MYH14: variants seen among roughly 807,000 people sequenced by gnomAD.
MYH14 encodes myosin heavy chain 14.
MYH14 carries 123 observed loss-of-function variants against 255.5 expected under a neutral mutation model. That is an observed-to-expected ratio of 0.48 (90% confidence interval 0.42 to 0.56). The LOEUF (loss-of-function observed/expected upper bound fraction) is 0.56. Among genes scored for constraint, MYH14 ranks in the 20% least tolerant of loss-of-function variants. MYH14 has a pLI of 0.00. For missense variants in MYH14, 2,423 were observed against 2,802.3 expected, an observed-to-expected ratio of 0.86 and a Z score of 3.06; for synonymous variants, 1,095 against 1,161.2, an observed-to-expected ratio of 0.94 and a Z score of 1.16.
In MYH14 at chr19:50,276,081, G is replaced by T; in HGVS notation, c.3558G>T (p.Glu1186Asp). 1 of 1,610,984 alleles carries T rather than the reference G, an allele frequency of 6.2e-7. No homozygotes were observed. The highest frequency in any genetic ancestry group is 8.5e-7 in the Non-Finnish European group (1 of 1,179,062). ...AALAEAQEDL[E>D]SERVARTKAE... is the part of the protein sequence containing the mutation. Reference sequence around the variant, plus strand: ...TGGCCGAGGCCCAGGAGGACCTGGAGTCTGAGCGTGTGGCCAGGACCAAGG... The same window carrying T: ...TGGCCGAGGCCCAGGAGGACCTGGATTCTGAGCGTGTGGCCAGGACCAAGG... The change falls in exon 28 of 43, where the codon GAG becomes GAT. Residue 1186 changes from glutamate (E) to aspartate (D), a missense_variant. Coordinates refer to ENST00000642316, the MANE Select transcript of MYH14 (RefSeq NM_001145809.2). The surrounding 1 kb of genome is among the most constrained non-coding windows in gnomAD (Gnocchi z 4.3).
At chr19:50,224,225 C>T (rs1218677254) in intron 6 of MYH14, 48 bp downstream of exon 6, 38 of 1,613,474 alleles carry the variant, frequency 2.4e-5, no homozygotes, top group Non-Finnish European at 2.9e-5. Flanking sequence ...TAATGCCTTC[C>T]CGGCCACCCA....
chr19:50,244,278 G>A lies in MYH14; in HGVS notation c.1151G>A (p.Gly384Asp). The change falls in exon 11 of 43, where the codon GGC becomes GAC. Residue 384 changes from glycine to aspartate, a missense_variant. Physicochemically the swap from Gly to Asp is moderately conservative, Grantham distance 94. This residue lies in a region of MYH14 where 672 missense variants were observed against 881.8 expected (regional missense o/e 0.76). Transcript: ENST00000642316. ...ATGGTCTCAGCAGTTCTCCAGTTTG[G>A]CAACATTGCCTTGAAGAGAGAACGG... ...LRMVSAVLQF[G>D]NIALKRERNT... The A allele has an allele frequency of 6.2e-7, 1 of 1,613,844 alleles. No individual in the cohort carries two copies. The highest frequency in any genetic ancestry group is 8.5e-7 in the Non-Finnish European group (1 of 1,179,878).
intron 30 of MYH14, among the ~76,000 whole-genome samples, chr19:50,279,320 C>A (rs774215944): frequency 6.6e-6 from 1 of 152,122 alleles, no homozygotes; most frequent in Non-Finnish European, 1.5e-5. Context: ...TAGCATAATT[C>A]CTTTTTTATT....
rs768416291 is a variant in MYH14, at chr19:50,217,707, G to A, written c.498G>A (p.Lys166=). The part of the protein sequence containing the change: ...EAIVEMYRGK[K]RHEVPPHVYA... ...TTGTGGAGATGTACCGGGGCAAGAA[G>A]CGCCACGAGGTGCCACCCCACGTGT... The change falls in exon 3 of 43, where the codon AAG becomes AAA. Residue 166 remains lysine (K), a synonymous_variant. Coordinates refer to ENST00000642316, the MANE Select transcript of MYH14 (RefSeq NM_001145809.2). The A allele has an allele frequency of 3.1e-6, 5 of 1,613,998 alleles. No individual in the cohort carries two copies. In the South Asian group the frequency reaches 3.3e-5, roughly 11 times the overall value.
chr19:50,285,240 A>G (rs1390132871), intron 33 of MYH14: 2 of 152,034 alleles, frequency 1.3e-5, no homozygotes, highest in Admixed American at 6.6e-5. Context: ...GTTCCTTTGC[A>G]TTTCCGTATG....
At chr19:50,231,379 T>C (rs764560083) in intron 9 of MYH14, among the ~76,000 whole-genome samples, 13 of 152,248 alleles carry the variant, frequency 8.5e-5, no homozygotes, top group Non-Finnish European at 1.6e-4. Flanking sequence ...CTCTGGGCAC[T>C]TCTAGAGACT....
rs1057121439 is a variant in MYH14, at chr19:50,276,911, G to A, written c.3825+10G>A. 4.4e-6 allele frequency: 7 copies of A among 1,600,616 alleles called. No homozygotes were observed. The highest frequency in any genetic ancestry group is 6.0e-6 in the Non-Finnish European group (7 of 1,174,074). ...GGAGCAGGCCCGGAGGGTGGGTTGG[G>A]GCAGGGGGACAGGGCAGGGGGGCCA... On this transcript the variant is annotated intron_variant, in intron 29 of 42. Transcript: ENST00000642316. The surrounding 1 kb of genome is among the most constrained non-coding windows in gnomAD (Gnocchi z 4.3).
At chr19:50,301,931 G>A in intron 40 of MYH14, 62 bp downstream of exon 40, 1 of 1,352,430 alleles carries the variant, frequency 7.4e-7, no homozygotes, top group Non-Finnish European at 1.0e-6. Flanking sequence ...GTGAGAGGAA[G>A]GAGGCTGTGT....
chr19:50,239,270 C>T (rs1374448893), intron 10 of MYH14, among the ~76,000 whole-genome samples: 2 of 152,312 alleles, frequency 1.3e-5, no homozygotes, highest in Non-Finnish European at 2.9e-5. Flanking sequence ...CCGCCTGCCT[C>T]GGCCTCCCGA....
At chr19:50,282,098 A>G (rs988516003) in intron 33 of MYH14, among the ~76,000 whole-genome samples, 1 of 152,212 alleles carries the variant, frequency 6.6e-6, no homozygotes, top group Non-Finnish European at 1.5e-5. Context: ...TTTGGATGAC[A>G]AAATATACGA....
At chr19:50,290,119 AT>A (rs1293837816) in intron 35 of MYH14, among the ~76,000 whole-genome samples, 1 of 151,662 alleles carries the variant, frequency 6.6e-6, no homozygotes, top group African/African-American at 2.4e-5. Flanking sequence ...CTACTGCTCC[AT>A]CCACCCAGTG....
At position 50,281,716 on chromosome 19, in the gene MYH14, G is replaced by A. The variant is rs771604158; in HGVS notation, c.4413G>A (p.Glu1471=). The A allele has an allele frequency of 1.2e-6, 2 of 1,612,560 alleles. No individual in the cohort carries two copies. The highest frequency in any genetic ancestry group is 3.3e-5 in the Admixed American group (2 of 59,990). Reference sequence around the variant, plus strand: ...CCCAGCGCCTGGCAGAAAAGACAGAGACCGTGGATCGGCTGGAGCGGGGCC... The same window carrying A: ...CCCAGCGCCTGGCAGAAAAGACAGAAACCGTGGATCGGCTGGAGCGGGGCC... ...ALTQRLAEKT[E]TVDRLERGRR... Residue 1471 remains glutamate (E), a synonymous_variant, in exon 33 of 43, where the codon GAG becomes GAA. Coordinates refer to ENST00000642316, the MANE Select transcript of MYH14 (RefSeq NM_001145809.2).
intron 3 of MYH14, 54 bp from the exon 4 acceptor site, chr19:50,223,029 G>T (rs1027831532): frequency 1.3e-6 from 2 of 1,553,116 alleles, no homozygotes; most frequent in Non-Finnish European, 1.8e-6. Flanking sequence ...GGGACCAGAG[G>T]GCCCTGCTAG....
At chr19:50,248,059 C>CAAAAAA (rs10588130) in intron 12 of MYH14, among the ~76,000 whole-genome samples, 1 of 106,834 alleles carries the variant, frequency 9.4e-6, no homozygotes, top group African/African-American at 3.6e-5. Context: ...GACTCTGTCT[C>CAAAAAA]AAAAAAAAAA....
chr19:50,204,674 C>T (rs886754691), intron 1 of MYH14, among the ~76,000 whole-genome samples: 1 of 152,184 alleles, frequency 6.6e-6, no homozygotes, highest in Non-Finnish European at 1.5e-5. Flanking sequence ...GCGAAAGAAT[C>T]GCTTGAGCCC....
intron 39 of MYH14, among the ~76,000 whole-genome samples, chr19:50,295,027 A>T (rs1207941669): frequency 4.1e-4 from 9 of 22,028 alleles, no homozygotes; most frequent in Non-Finnish European, 8.5e-4. Context: ...TTTTTTTTTT[A>T]AAAACAGGCC....
chr19:50,249,438 CCT>C, intron 13 of MYH14: 1 of 625,294 alleles, frequency 1.6e-6, no homozygotes, highest in Non-Finnish European at 2.7e-6. Flanking sequence ...TGGGTCTCTG[CCT>C]CTCTGTCTCT....
At chr19:50,224,032 T>TGGCCCCCCCCCCCCCCCCCCCCCCCCC in intron 5 of MYH14, 122 bp from the exon 6 acceptor site, 1 of 610,326 alleles carries the variant, frequency 1.6e-6, no homozygotes, top group African/African-American at 2.0e-5. Context: ...ATGCCCGGTT[T>TGGCCCCCCCCCCCCCCCCCCCCCCCCC]CCCCAGTCCC....
At chr19:50,246,826 G>GA (rs916093022) in intron 11 of MYH14, among the ~76,000 whole-genome samples, 178 bp from the exon 12 acceptor site, 6 of 151,818 alleles carry the variant, frequency 4.0e-5, no homozygotes, top group East Asian at 1.9e-4. Context: ...CTGGTTCCTG[G>GA]AAAAAAAATA....
Sources: allele counts gnomAD v4.1 joint callset (sites outside exome capture counted in the v4.1 genomes callset), GRCh38; gene constraint gnomAD v4.1.1; regional missense constraint gnomAD v4.1.1; non-coding constraint Gnocchi (gnomAD v3.1); transcripts MANE v1.5; gene names NCBI Gene and HGNC (gene_info 2026-07-23, HGNC 2026-07-21).